The following SGCD variants were observed in gnomAD, a reference collection of about 807,000 sequenced individuals.
The protein encoded by SGCD is delta-sarcoglycan.
A neutral mutation model predicts 36.6 loss-of-function variants in SGCD; 18 were observed. The observed-to-expected ratio is 0.49, with a 90% CI of 0.34 to 0.73. The LOEUF is 0.73. Among genes scored for constraint, SGCD ranks in the 30% least tolerant of loss-of-function variants. The pLI is 0.01. For synonymous variants in SGCD, 133 were observed against 130.6 expected (o/e 1.02, Z -0.12); for missense variants, 387 against 346.7 (o/e 1.12, Z -0.92).
chr5:156,343,004 A>G (rs1271537479), intron 2 of SGCD, among the ~76,000 whole-genome samples: 1 of 152,216 alleles, frequency 6.6e-6, no homozygotes, highest in East Asian at 1.9e-4. Flanking sequence ...AGCCATAAGG[A>G]AGAATTCACT....
chr5:156,054,428 G>A (rs1222887098), intron 1 of SGCD, among the ~76,000 whole-genome samples: 2 of 144,362 alleles, frequency 1.4e-5, no homozygotes, highest in African/African-American at 5.0e-5. Context: ...TGGGACTACA[G>A]GCACCCGCCA....
intron 1 of SGCD, among the ~76,000 whole-genome samples, chr5:156,041,031 G>T (rs1467907982): frequency 6.6e-6 from 1 of 152,212 alleles, no homozygotes; most frequent in East Asian, 1.9e-4. Flanking sequence ...GATGTTCTGT[G>T]TTTCCTTCTG....
At chr5:156,644,095 ACACTTAAGTAATTT>A (rs931314542) in intron 6 of SGCD, among the ~76,000 whole-genome samples, 2 of 152,208 alleles carry the variant, frequency 1.3e-5, no homozygotes, top group Non-Finnish European at 2.9e-5. Context: ...TCTAAAGAGT[ACACTTAAGTAATTT>A]CTGATTTTTA....
chr5:156,599,138 G>C (rs1761061718), intron 6 of SGCD, among the ~76,000 whole-genome samples: 2 of 152,142 alleles, frequency 1.3e-5, no homozygotes, highest in Non-Finnish European at 2.9e-5. Context: ...CTTATCAGCT[G>C]GGATTCAGCC....
chr5:156,683,571 A>C (rs1425174414), intron 7 of SGCD, among the ~76,000 whole-genome samples: 2 of 152,232 alleles, frequency 1.3e-5, no homozygotes, highest in Non-Finnish European at 1.5e-5. Flanking sequence ...CACAGGTCCA[A>C]ATGTCTTTAT....
chr5:155,934,069 A>C (rs771571156), intron 1 of SGCD, among the ~76,000 whole-genome samples: 18 of 152,232 alleles, frequency 1.2e-4, no homozygotes, highest in African/African-American at 4.3e-4. Context: ...AATTTCAGAA[A>C]GAATGACTGA....
intron 1 of SGCD, among the ~76,000 whole-genome samples, chr5:155,924,003 G>A (rs1222296520): frequency 6.6e-6 from 1 of 152,140 alleles, no homozygotes; most frequent in Admixed American, 6.5e-5. Flanking sequence ...GTTTTTCAGT[G>A]TCTCACATTG....
intron 3 of SGCD, among the ~76,000 whole-genome samples, chr5:156,140,478 A>G (rs1285214811): frequency 4.6e-5 from 7 of 152,160 alleles, no homozygotes; most frequent in Admixed American, 2.6e-4. Flanking sequence ...GAAACAGAAG[A>G]AAAGGACATC....
intron 2 of SGCD, among the ~76,000 whole-genome samples, chr5:156,329,952 G>C (rs1767987563): frequency 6.9e-6 from 1 of 143,942 alleles, no homozygotes; most frequent in South Asian, 2.2e-4. Context: ...GGAAGGTGGA[G>C]CTTGCAGTGA....
Position 156,364,149 on chromosome 5 carries a change from T to A in SGCD, c.192+19472T>A, listed in dbSNP as rs558461751. Among the ~76,000 whole-genome samples, 12 of 151,582 alleles carry A rather than the reference T, an allele frequency of 7.9e-5. No individual in the cohort carries two copies. The East Asian group carries it at 2.3e-3, about 30-fold the overall frequency. ...CACAGATCTATCTCTCAGAACTGAA[T>A]CTACTGAGTTATGCTGGGATTATGA... On this transcript the variant is annotated intron_variant, in intron 3 of 8. Coordinates refer to ENST00000337851, the MANE Select transcript of SGCD (RefSeq NM_000337.6).
the SGCD span, among the ~76,000 whole-genome samples, chr5:155,831,110 A>G: frequency 6.6e-6 from 1 of 152,204 alleles, no homozygotes; most frequent in East Asian, 1.9e-4. Flanking sequence ...CTCAAAGTCA[A>G]TCAGCTAGAA....
chr5:156,186,701 G>A (rs1464214045), intron 3 of SGCD, among the ~76,000 whole-genome samples: 2 of 152,136 alleles, frequency 1.3e-5, no homozygotes, highest in African/African-American at 4.8e-5. Context: ...CTGCTGTCCT[G>A]TGTCTCCAAG....
chr5:156,119,458 G>A (rs1761981447), intron 2 of SGCD, among the ~76,000 whole-genome samples: 1 of 152,070 alleles, frequency 6.6e-6, no homozygotes, highest in African/African-American at 2.4e-5. Context: ...AGCATTGTTG[G>A]CAACAGGAAT....
At chr5:155,996,513 C>T (rs1468353846) in intron 1 of SGCD, among the ~76,000 whole-genome samples, 2 of 152,170 alleles carry the variant, frequency 1.3e-5, no homozygotes, top group Non-Finnish European at 2.9e-5. Context: ...CGCGGTGGCT[C>T]ACGCCTGTGA....
intron 3 of SGCD, among the ~76,000 whole-genome samples, chr5:156,205,276 A>C (rs977868265): frequency 6.6e-6 from 1 of 152,090 alleles, no homozygotes; most frequent in Non-Finnish European, 1.5e-5. Flanking sequence ...GTAAGAGTTA[A>C]GATTCTTTTG....
the SGCD span, among the ~76,000 whole-genome samples, chr5:155,836,588 A>T: frequency 2.0e-5 from 3 of 151,886 alleles, no homozygotes; most frequent in African/African-American, 7.3e-5. Flanking sequence ...AGACATGGGC[A>T]GCTCTGCTCT....
At chr5:156,426,186 A>G (rs1459478456) in intron 3 of SGCD, among the ~76,000 whole-genome samples, 1 of 152,128 alleles carries the variant, frequency 6.6e-6, no homozygotes, top group Admixed American at 6.6e-5. Context: ...AGCAACGTAA[A>G]GGAGTTCCCT....
intron 3 of SGCD, among the ~76,000 whole-genome samples, chr5:156,210,004 G>A (rs1010441579): frequency 2.0e-5 from 3 of 152,172 alleles, no homozygotes; most frequent in African/African-American, 7.2e-5. Flanking sequence ...TCCAGTATCA[G>A]GTCATCTCCT....
chr5:155,918,317 C>T (rs563083755), intron 1 of SGCD, among the ~76,000 whole-genome samples: 5 of 152,284 alleles, frequency 3.3e-5, no homozygotes, highest in East Asian at 1.9e-4. Context: ...AATCCCAGCA[C>T]TTTGGGTGGC....
Sources: gnomAD v4.1 joint callset for allele counts (sites outside exome capture counted in the v4.1 genomes callset) on GRCh38, gnomAD v4.1.1 for gene constraint, MANE v1.5 for transcripts, NCBI Gene and HGNC (gene_info 2026-07-23, HGNC 2026-07-21) for gene names.